MROH9: variants seen among roughly 807,000 people sequenced by gnomAD.
MROH9 encodes maestro heat-like repeat-containing protein family member 9.
In MROH9, 92 loss-of-function variants were observed where a neutral mutation model predicts 98.2. The observed-to-expected ratio is 0.94, with a 90% CI of 0.79 to 1.11. MROH9 has a LOEUF of 1.11. Among genes scored for constraint, MROH9 ranks in the 50% most tolerant of loss-of-function variants. The pLI, the probability that MROH9 is intolerant of heterozygous loss-of-function variation, is 0.00. For synonymous variants in MROH9, 397 were observed against 368.9 expected, an observed-to-expected ratio of 1.08 and a Z score of -0.87; for missense variants, 1,057 against 1,014.8, an observed-to-expected ratio of 1.04 and a Z score of -0.57.
chr1:170,943,701 A>G (rs1296160263), intron 1 of MROH9, among the ~76,000 whole-genome samples: 1 of 152,072 alleles, frequency 6.6e-6, no homozygotes, highest in Non-Finnish European at 1.5e-5. Context: ...ATGCTAGATG[A>G]CAATGGAACA....
intron 7 of MROH9, among the ~76,000 whole-genome samples, chr1:170,968,313 A>C (rs1466382560): frequency 6.6e-6 from 1 of 152,230 alleles, no homozygotes; most frequent in Non-Finnish European, 1.5e-5. Flanking sequence ...ATTGGCAGAC[A>C]GAAGTTGAGA....
At chr1:171,001,749 T>G (rs904757215) in intron 15 of MROH9, among the ~76,000 whole-genome samples, 1 of 152,214 alleles carries the variant, frequency 6.6e-6, no homozygotes, top group Admixed American at 6.5e-5. Context: ...ATATATCAGT[T>G]AAGTCCATTT....
chr1:170,961,261 A>G (rs1557874905), intron 5 of MROH9, among the ~76,000 whole-genome samples: 1 of 152,238 alleles, frequency 6.6e-6, no homozygotes. Context: ...CAAACACTAA[A>G]AAGATAATCT....
chr1:170,981,755 ACT>A (rs1391455286), intron 8 of MROH9, among the ~76,000 whole-genome samples: 3 of 151,430 alleles, frequency 2.0e-5, no homozygotes, highest in Non-Finnish European at 1.5e-5. Context: ...AAAAAAAAAA[ACT>A]CTCTATGAAA....
intron 15 of MROH9, among the ~76,000 whole-genome samples, chr1:170,999,965 G>A (rs1378034448): frequency 2.0e-5 from 3 of 152,026 alleles, no homozygotes; most frequent in Non-Finnish European, 4.4e-5. Context: ...ATGTTTGTTG[G>A]CCATCTGTAT....
intron 14 of MROH9, among the ~76,000 whole-genome samples, chr1:170,997,004 A>G (rs1364116531): frequency 1.3e-5 from 2 of 152,088 alleles, no homozygotes; most frequent in Non-Finnish European, 2.9e-5. Flanking sequence ...TCCACTTGAA[A>G]CAGGTCCAGT....
At chr1:171,045,247 G>A (rs1047368671) in intron 20 of MROH9, among the ~76,000 whole-genome samples, 4 of 151,546 alleles carry the variant, frequency 2.6e-5, no homozygotes, top group Admixed American at 6.6e-5. Flanking sequence ...TGATCCGCCC[G>A]CCTCGGCCTC....
chr1:170,995,337 G>A (rs567165497), intron 12 of MROH9, 52 bp from the exon 13 acceptor site: 170 of 1,603,396 alleles, frequency 1.1e-4, no homozygotes, highest in Middle Eastern at 5.0e-4. Context: ...AAGGTTGACC[G>A]GGTTTAGAGA....
At chr1:171,049,226 C>T (rs1410564992) in intron 20 of MROH9, among the ~76,000 whole-genome samples, 1 of 152,164 alleles carries the variant, frequency 6.6e-6, no homozygotes, top group East Asian at 1.9e-4. Flanking sequence ...GTCAGGTGAG[C>T]ATGCATAGTA....
At chr1:170,939,245 G>A (rs1649019354) in intron 1 of MROH9, among the ~76,000 whole-genome samples, 1 of 152,214 alleles carries the variant, frequency 6.6e-6, no homozygotes, top group Admixed American at 6.5e-5. Context: ...ACTGGGCACA[G>A]CCCATGAATC....
chr1:171,016,085 C>A, intron 16 of MROH9, 78 bp from the exon 17 acceptor site: 1 of 1,026,398 alleles, frequency 9.7e-7, no homozygotes, highest in Non-Finnish European at 1.3e-6. Context: ...GCCGCCCAGA[C>A]TCAAGGTATC....
At chr1:171,035,242 C>CA (rs1401981918) in intron 20 of MROH9, among the ~76,000 whole-genome samples, 5 of 150,456 alleles carry the variant, frequency 3.3e-5, no homozygotes, top group African/African-American at 1.2e-4. Context: ...TAGAAAAAGA[C>CA]AAAAAATCCA....
chr1:170,948,486 G>C (rs996224008), intron 3 of MROH9, among the ~76,000 whole-genome samples: 2 of 152,064 alleles, frequency 1.3e-5, no homozygotes, highest in African/African-American at 4.8e-5. Flanking sequence ...AGTCCATAGA[G>C]TCAGAAAGAT....
intron 12 of MROH9, among the ~76,000 whole-genome samples, chr1:170,993,017 A>G (rs1332273614): frequency 6.6e-6 from 1 of 152,178 alleles, no homozygotes; most frequent in East Asian, 1.9e-4. Context: ...CACAAATGTG[A>G]AATGTTGGAA....
chr1:171,033,543 C>T (rs1174164213), intron 20 of MROH9, among the ~76,000 whole-genome samples: 2 of 152,116 alleles, frequency 1.3e-5, no homozygotes, highest in Non-Finnish European at 2.9e-5. Context: ...CCGGTCGCCA[C>T]GCCACACTGT....
intron 3 of MROH9, among the ~76,000 whole-genome samples, chr1:170,957,745 A>C (rs368312056): frequency 1.1e-3 from 162 of 151,436 alleles, no homozygotes; most frequent in African/African-American, 3.6e-3. Flanking sequence ...GTGTAAGTTT[A>C]GTCATTCTTT....
At chr1:171,059,093 G>A (rs949086321) in intron 20 of MROH9, among the ~76,000 whole-genome samples, 5 of 152,148 alleles carry the variant, frequency 3.3e-5, no homozygotes, top group African/African-American at 9.7e-5. Context: ...CTACCCATCT[G>A]AGAAAGGTCT....
intron 8 of MROH9, among the ~76,000 whole-genome samples, chr1:170,982,323 G>A (rs1288098001): frequency 6.6e-6 from 1 of 152,120 alleles, no homozygotes; most frequent in Non-Finnish European, 1.5e-5. Flanking sequence ...TAGTTTTGCT[G>A]AGTGAAAGAA....
intron 9 of MROH9, among the ~76,000 whole-genome samples, chr1:170,985,502 A>T (rs1651098021): frequency 6.6e-6 from 1 of 152,170 alleles, no homozygotes; most frequent in Non-Finnish European, 1.5e-5. Flanking sequence ...TATATAATCT[A>T]CTGTCACATC....
Sources: gnomAD v4.1 joint callset for allele counts (sites outside exome capture counted in the v4.1 genomes callset) on GRCh38, gnomAD v4.1.1 for gene constraint, MANE v1.5 for transcripts, NCBI Gene and HGNC (gene_info 2026-07-23, HGNC 2026-07-21) for gene names.